GNG7: variants seen among roughly 807,000 people sequenced by gnomAD.
GNG7 encodes the protein guanine nucleotide-binding protein G(I)/G(S)/G(O) subunit gamma-7.
In GNG7, 1 loss-of-function variant was observed where a neutral mutation model predicts 4.0. That is an observed-to-expected ratio of 0.25 (90% CI 0.09 to 1.18). GNG7 has a LOEUF of 1.18. Ranked by LOEUF, GNG7 falls within the 50% of genes most tolerant of loss-of-function variation. The probability of loss-of-function intolerance (pLI) is 0.50; values close to 1 mark genes in which losing one functional copy is unlikely to be tolerated. For missense variants in GNG7, 86 were observed against 91.9 expected, an observed-to-expected ratio of 0.94 and a Z score of 0.26; for synonymous variants, 34 against 36.9, an observed-to-expected ratio of 0.92 and a Z score of 0.29.
At chr19:2,639,394 G>C (rs1168819917) in intron 2 of GNG7, among the ~76,000 whole-genome samples, 2 of 151,930 alleles carry the variant, frequency 1.3e-5, no homozygotes, top group Non-Finnish European at 2.9e-5. Context: ...ACCCCAGCCT[G>C]GCAGCCCACA....
intron 2 of GNG7, among the ~76,000 whole-genome samples, chr19:2,599,743 C>T (rs1057323562): frequency 6.6e-6 from 1 of 152,092 alleles, no homozygotes; most frequent in Non-Finnish European, 1.5e-5. Context: ...TCGAGACCAG[C>T]CTGGGCAATA....
chr19:2,542,300 G>A (rs1385715838), intron 3 of GNG7, among the ~76,000 whole-genome samples: 2 of 151,810 alleles, frequency 1.3e-5, no homozygotes, highest in African/African-American at 2.4e-5. Flanking sequence ...TTTTTTAGTC[G>A]AGACGGGGTT....
chr19:2,565,493 TAGAG>T (rs925785721), intron 2 of GNG7, among the ~76,000 whole-genome samples: 1 of 142,986 alleles, frequency 7.0e-6, no homozygotes, highest in South Asian at 2.2e-4. Context: ...GCCTGGGCAA[TAGAG>T]AGAGACTCTG....
At chr19:2,519,583 G>A (rs1345059934) in intron 4 of GNG7, among the ~76,000 whole-genome samples, 3 of 143,052 alleles carry the variant, frequency 2.1e-5, no homozygotes, top group South Asian at 2.3e-4. Flanking sequence ...GAGCCACTGT[G>A]CCTCACATGC....
intron 2 of GNG7, among the ~76,000 whole-genome samples, chr19:2,606,328 C>T (rs1053659611): frequency 1.3e-5 from 2 of 151,992 alleles, no homozygotes; most frequent in African/African-American, 2.4e-5. Context: ...GCCGAGATTG[C>T]ACCACTGCAC....
At position 2,558,946 on chromosome 19, in the gene GNG7, G is replaced by A. The variant is rs147667373; in HGVS notation, c.-77-3758C>T. Among the ~76,000 whole-genome samples, 5 of 151,832 alleles carry A rather than the reference G, an allele frequency of 3.3e-5. No homozygotes were observed. In the East Asian group the frequency reaches 9.7e-4, roughly 30 times the overall value. Reference sequence around the variant, plus strand: ...CCCAAGTAGCTGGCATTACAGGCATGCACCACCACTCTTGGCTAATTTTTG... The same window carrying A: ...CCCAAGTAGCTGGCATTACAGGCATACACCACCACTCTTGGCTAATTTTTG... On this transcript the variant is annotated intron_variant, in intron 2 of 4. Transcript: ENST00000382159.
chr19:2,565,149 C>A (rs894013822), intron 2 of GNG7, among the ~76,000 whole-genome samples: 2 of 152,178 alleles, frequency 1.3e-5, no homozygotes, highest in Non-Finnish European at 2.9e-5. Flanking sequence ...ATCACGGGCT[C>A]AGACTACATG....
chr19:2,531,227 C>G (rs1229751629), intron 3 of GNG7, among the ~76,000 whole-genome samples: 1 of 141,292 alleles, frequency 7.1e-6, no homozygotes, highest in Non-Finnish European at 1.5e-5. Flanking sequence ...TCCCTTGAAT[C>G]CGGGAGACGG....
intron 1 of GNG7, among the ~76,000 whole-genome samples, chr19:2,683,091 T>C (rs900618279): frequency 6.6e-6 from 1 of 151,934 alleles, no homozygotes; most frequent in Admixed American, 6.6e-5. Context: ...ATACAAAAAT[T>C]AGCTGGGCGT....
chr19:2,603,109 C>T (rs1981264741), intron 2 of GNG7, among the ~76,000 whole-genome samples: 1 of 151,432 alleles, frequency 6.6e-6, no homozygotes. Flanking sequence ...TCTTGTTGCC[C>T]AGGCTGGAGC....
chr19:2,539,494 G>A (rs144622331), intron 3 of GNG7, among the ~76,000 whole-genome samples: 3 of 151,604 alleles, frequency 2.0e-5, no homozygotes, highest in Admixed American at 1.3e-4. Flanking sequence ...TAGTAGAGAC[G>A]GGGTTTCACC....
At chr19:2,550,841 G>A (rs1246357532) in intron 3 of GNG7, among the ~76,000 whole-genome samples, 2 of 152,178 alleles carry the variant, frequency 1.3e-5, no homozygotes, top group African/African-American at 4.8e-5. Flanking sequence ...GGCCTGCAGG[G>A]GGCACGGGAG....
At chr19:2,517,409 G>A (rs1972750897) in intron 4 of GNG7, among the ~76,000 whole-genome samples, 1 of 152,120 alleles carries the variant, frequency 6.6e-6, no homozygotes, top group African/African-American at 2.4e-5. Context: ...CTGTCAGCCA[G>A]GCTGGAGTGC....
rs865986605 is a variant in GNG7 at position 2,661,299 on chromosome 19, A to G, written c.-134-15019T>C. ...GAAAGAAAGAAAGAAAGAAAGAAAG[A>G]AAGAGAAAGAAAGAAAGAAAGAAAG... On this transcript the variant is annotated intron_variant, in intron 1 of 4. Transcript: ENST00000382159. Among the ~76,000 whole-genome samples the G allele has an allele frequency of 8.4e-3, 361 of 42,936 alleles. 5 individuals carry two copies. Among genetic ancestry groups the G allele is most frequent in the Non-Finnish European group, 0.011 (254 of 23,082 alleles). The allele number at this position is 42,936 out of a possible 152,430, so 28.2% of individuals were successfully genotyped here.
intron 1 of GNG7, among the ~76,000 whole-genome samples, chr19:2,669,682 T>C (rs1284488197): frequency 6.6e-5 from 10 of 151,972 alleles, no homozygotes; most frequent in Admixed American, 6.6e-4. Flanking sequence ...GCTCAGAGCG[T>C]CGAAAATATT....
At chr19:2,619,272 GTT>G (rs1024431488) in intron 2 of GNG7, among the ~76,000 whole-genome samples, 2 of 152,160 alleles carry the variant, frequency 1.3e-5, no homozygotes, top group African/African-American at 4.8e-5. Flanking sequence ...CTGACTGTGT[GTT>G]TTTGTAAATA....
At chr19:2,677,105 A>G (rs1272251841) in intron 1 of GNG7, among the ~76,000 whole-genome samples, 1 of 152,146 alleles carries the variant, frequency 6.6e-6, no homozygotes, top group Non-Finnish European at 1.5e-5. Context: ...TTACACTTGC[A>G]TATATGCTCG....
At chr19:2,535,892 A>G (rs1978720129) in intron 3 of GNG7, among the ~76,000 whole-genome samples, 1 of 151,802 alleles carries the variant, frequency 6.6e-6, no homozygotes, top group African/African-American at 2.4e-5. Context: ...TTGGGAGGCC[A>G]AGGTGGGAGG....
At chr19:2,701,257 C>T (rs911347845) in intron 1 of GNG7, 1 of 151,894 alleles carries the variant, frequency 6.6e-6, no homozygotes, top group African/African-American at 2.4e-5. Flanking sequence ...AGGGGTGAGT[C>T]CTCTCCAAAT....
Sources: allele counts gnomAD v4.1 joint callset (sites outside exome capture counted in the v4.1 genomes callset), GRCh38; gene constraint gnomAD v4.1.1; transcripts MANE v1.5; gene names NCBI Gene and HGNC (gene_info 2026-07-23, HGNC 2026-07-21).